Variants in UNC13C observed in about 807,000 individuals in gnomAD.
UNC13C encodes protein unc-13 homolog C.
Under a neutral mutation model 245.4 loss-of-function variants are expected in UNC13C, and 174 were observed. The ratio of observed to expected loss-of-function variants is 0.71; its 90% CI spans 0.63 to 0.80. UNC13C has a LOEUF of 0.80. Among genes scored for constraint, UNC13C ranks in the 30% least tolerant of loss-of-function variants. The pLI is 0.00. For missense variants in UNC13C, 2,829 were observed against 2,602.9 expected (o/e 1.09, Z -1.89); for synonymous variants, 992 against 895.1 (o/e 1.11, Z -1.93).
At chr15:54,042,571 A>T (rs1896850734) in intron 2 of UNC13C, among the ~76,000 whole-genome samples, 1 of 152,166 alleles carries the variant, frequency 6.6e-6, no homozygotes, top group Non-Finnish European at 1.5e-5. Context: ...CCACTTACTG[A>T]GGCCGGGTGT....
At chr15:54,050,207 G>C (rs944303807) in intron 2 of UNC13C, 2 of 519,692 alleles carry the variant, frequency 3.8e-6, no homozygotes, top group Non-Finnish European at 7.6e-6. Context: ...CCTGACCTCA[G>C]GTGATCCACC....
intron 4 of UNC13C, among the ~76,000 whole-genome samples, chr15:54,173,141 G>A (rs1462099930): frequency 6.6e-6 from 1 of 151,784 alleles, no homozygotes; most frequent in Non-Finnish European, 1.5e-5. Context: ...TTGATAATAA[G>A]CCTTGAAAAT....
chr15:54,235,900 G>C (rs2035684005), intron 5 of UNC13C, among the ~76,000 whole-genome samples: 1 of 151,908 alleles, frequency 6.6e-6, no homozygotes, highest in African/African-American at 2.4e-5. Context: ...TGGTTTTCAA[G>C]TTATTAACAT....
chr15:54,100,754 C>T (rs762925287), intron 2 of UNC13C, among the ~76,000 whole-genome samples: 9 of 151,960 alleles, frequency 5.9e-5, no homozygotes, highest in South Asian at 2.1e-4. Flanking sequence ...TATTTCAAAA[C>T]CTTTCTTTCT....
At chr15:54,101,323 C>G (rs1226494553) in intron 2 of UNC13C, among the ~76,000 whole-genome samples, 3 of 152,108 alleles carry the variant, frequency 2.0e-5, no homozygotes, top group Non-Finnish European at 4.4e-5. Flanking sequence ...TGCTATTTCT[C>G]TGCCTCTGTC....
At chr15:54,316,582 C>T (rs547441799) in intron 13 of UNC13C, among the ~76,000 whole-genome samples, 3 of 151,922 alleles carry the variant, frequency 2.0e-5, no homozygotes, top group South Asian at 4.2e-4. Context: ...ATTACATGAC[C>T]GATTCCCCCA....
chr15:54,456,446 G>C (rs1208972395), intron 19 of UNC13C, among the ~76,000 whole-genome samples: 1 of 151,954 alleles, frequency 6.6e-6, no homozygotes, highest in Non-Finnish European at 1.5e-5. Context: ...TTGGCAGTGT[G>C]ATCATTTTCA....
At chr15:54,110,414 G>C (rs1203947607) in intron 2 of UNC13C, among the ~76,000 whole-genome samples, 1 of 152,112 alleles carries the variant, frequency 6.6e-6, no homozygotes, top group African/African-American at 2.4e-5. Context: ...TTATCATTCT[G>C]TTTGTTAGGT....
intron 4 of UNC13C, among the ~76,000 whole-genome samples, chr15:54,215,227 T>C (rs796688985): frequency 6.0e-4 from 91 of 152,032 alleles, no homozygotes; most frequent in African/African-American, 2.0e-3. Context: ...AAGCCTACCA[T>C]TGAGAAAACC....
At chr15:53,974,308 A>G (rs969290391), upstream of UNC13C, among the ~76,000 whole-genome samples, 2 of 152,202 alleles carry the variant, frequency 1.3e-5, no homozygotes, top group Admixed American at 6.5e-5. Context: ...GAAATAGAAC[A>G]AAGCTAATTG....
intron 8 of UNC13C, among the ~76,000 whole-genome samples, chr15:54,261,334 G>A (rs1229879114): frequency 6.6e-6 from 1 of 152,148 alleles, no homozygotes; most frequent in Non-Finnish European, 1.5e-5. Context: ...ATGGCAAATT[G>A]TAACTATTTA....
At chr15:54,609,160 T>C (rs1023417351) in intron 30 of UNC13C, among the ~76,000 whole-genome samples, 1 of 152,214 alleles carries the variant, frequency 6.6e-6, no homozygotes, top group African/African-American at 2.4e-5. Flanking sequence ...TTTCATTTCA[T>C]TTTTTAATGG....
chr15:54,064,356 A>T (rs1316136002), intron 2 of UNC13C, among the ~76,000 whole-genome samples: 1 of 152,090 alleles, frequency 6.6e-6, no homozygotes, highest in Non-Finnish European at 1.5e-5. Flanking sequence ...AATAATTGCA[A>T]CCTCGAAGTT....
the UNC13C span, among the ~76,000 whole-genome samples, chr15:53,862,173 C>A: frequency 3.3e-5 from 5 of 152,082 alleles, no homozygotes; most frequent in Admixed American, 1.3e-4. Flanking sequence ...CACCTTCTTG[C>A]TATGTGCTCA....
chr15:53,850,946 T>A, the UNC13C span, among the ~76,000 whole-genome samples: 2 of 152,006 alleles, frequency 1.3e-5, no homozygotes, highest in Non-Finnish European at 2.9e-5. Context: ...GATCTTTACT[T>A]ATGCAGTGTC....
intron 19 of UNC13C, among the ~76,000 whole-genome samples, chr15:54,426,118 A>C (rs2040754178): frequency 6.6e-6 from 1 of 151,722 alleles, no homozygotes; most frequent in African/African-American, 2.4e-5. Context: ...CTTTTGTCTT[A>C]AGGTCAGCTG....
At chr15:54,549,775 AT>A in intron 28 of UNC13C, 84 bp downstream of exon 28, 1 of 835,700 alleles carries the variant, frequency 1.2e-6, no homozygotes. Context: ...TAGTAATAGT[AT>A]CTAGCATGGC....
At chr15:54,506,110 A>G (rs1227353371) in intron 22 of UNC13C, among the ~76,000 whole-genome samples, 1 of 152,170 alleles carries the variant, frequency 6.6e-6, no homozygotes, top group African/African-American at 2.4e-5. Context: ...TAAGAATTAA[A>G]AAATCTCACA....
chr15:54,428,054 A>G (rs1389113151), intron 19 of UNC13C, among the ~76,000 whole-genome samples: 1 of 151,818 alleles, frequency 6.6e-6, no homozygotes, highest in African/African-American at 2.4e-5. Context: ...CTAGATGTGA[A>G]TAATACCTTT....
Sources: gnomAD v4.1 joint callset for allele counts (sites outside exome capture counted in the v4.1 genomes callset) on GRCh38, gnomAD v4.1.1 for gene constraint, MANE v1.5 for transcripts, NCBI Gene and HGNC (gene_info 2026-07-23, HGNC 2026-07-21) for gene names.